Variants in ANKS1B observed in about 807,000 individuals in gnomAD.
ANKS1B encodes ankyrin repeat and sterile alpha motif domain-containing protein 1B.
Under a neutral mutation model 148.3 loss-of-function variants are expected in ANKS1B, and 36 were observed. The ratio of observed to expected loss-of-function variants is 0.24; its 90% CI spans 0.19 to 0.32. The LOEUF (loss-of-function observed/expected upper bound fraction) is 0.32, where lower values mean the gene tolerates loss of function less well. ANKS1B is among the 10% of genes least tolerant of loss of function. ANKS1B has a pLI of 1.00. For synonymous variants in ANKS1B, 542 were observed against 560.8 expected (o/e 0.97, Z 0.47); for missense variants, 1,157 against 1,542.6 (o/e 0.75, Z 4.19).
intron 15 of ANKS1B, among the ~76,000 whole-genome samples, chr12:99,126,716 G>A (rs759419221): frequency 7.2e-5 from 11 of 152,178 alleles, no homozygotes; most frequent in African/African-American, 2.7e-4. Flanking sequence ...TTATTTCCAA[G>A]AGGAGTTTTG....
chr12:99,126,219 C>T (rs997772962), intron 15 of ANKS1B, among the ~76,000 whole-genome samples: 5 of 152,056 alleles, frequency 3.3e-5, no homozygotes, highest in Non-Finnish European at 5.9e-5. Context: ...TAGGTATCTG[C>T]TTTTAGGTTA....
intron 12 of ANKS1B, among the ~76,000 whole-genome samples, chr12:99,379,564 CTT>C (rs2093551629): frequency 6.6e-6 from 1 of 152,212 alleles, no homozygotes; most frequent in Admixed American, 6.5e-5. Context: ...AGGAAGGAAA[CTT>C]TTAACTCCTC....
At chr12:99,769,444 G>A (rs1306416491) in intron 8 of ANKS1B, among the ~76,000 whole-genome samples, 1 of 152,152 alleles carries the variant, frequency 6.6e-6, no homozygotes, top group Non-Finnish European at 1.5e-5. Context: ...CCTCTCCCCA[G>A]ATCAAGCAAC....
chr12:98,772,495 C>A (rs1379849681), intron 25 of ANKS1B, among the ~76,000 whole-genome samples: 1 of 152,164 alleles, frequency 6.6e-6, no homozygotes, highest in Non-Finnish European at 1.5e-5. Context: ...GGAGGCCTCA[C>A]AATCATAGCA....
At chr12:99,820,434 G>A (rs1043015663) in intron 2 of ANKS1B, among the ~76,000 whole-genome samples, 9 of 151,882 alleles carry the variant, frequency 5.9e-5, no homozygotes, top group African/African-American at 9.7e-5. Context: ...ATATGATCCC[G>A]AAACATTACT....
At chr12:99,732,766 G>C (rs1361359928) in intron 8 of ANKS1B, among the ~76,000 whole-genome samples, 1 of 152,090 alleles carries the variant, frequency 6.6e-6, no homozygotes, top group Non-Finnish European at 1.5e-5. Flanking sequence ...AAGGTCAATA[G>C]AAGCAATGTA....
chr12:98,822,749 T>A (rs542158535), intron 19 of ANKS1B, among the ~76,000 whole-genome samples: 1 of 152,232 alleles, frequency 6.6e-6, no homozygotes, highest in African/African-American at 2.4e-5. Flanking sequence ...GGCTGACGGG[T>A]CTATCAGAAT....
chr12:98,782,999 G>A (rs945916423), intron 22 of ANKS1B, among the ~76,000 whole-genome samples: 1 of 151,160 alleles, frequency 6.6e-6, no homozygotes. Context: ...AAGAGGGAGG[G>A]CTGGGGCAGC....
chr12:99,315,188 C>T (rs1385323584), intron 12 of ANKS1B, among the ~76,000 whole-genome samples: 2 of 149,528 alleles, frequency 1.3e-5, no homozygotes, highest in Non-Finnish European at 3.0e-5. Context: ...TGCAGTGAGC[C>T]GAGATTGTGC....
intron 17 of ANKS1B, among the ~76,000 whole-genome samples, chr12:98,902,581 G>GA (rs1007858328): frequency 2.0e-5 from 3 of 152,058 alleles, no homozygotes; most frequent in Admixed American, 6.5e-5. Flanking sequence ...ATAATATACA[G>GA]AAAAAAAGTC....
At chr12:99,264,617 T>C (rs1449001040) in intron 12 of ANKS1B, among the ~76,000 whole-genome samples, 1 of 152,108 alleles carries the variant, frequency 6.6e-6, no homozygotes, top group Non-Finnish European at 1.5e-5. Context: ...AAATTTTACG[T>C]CAAAGGATGC....
chr12:99,108,262 G>A (rs911256157), intron 15 of ANKS1B, among the ~76,000 whole-genome samples: 3 of 152,322 alleles, frequency 2.0e-5, no homozygotes, highest in East Asian at 3.9e-4. Context: ...AAACCTCCAT[G>A]CAGTGATCAC....
chr12:99,151,302 C>A (rs928121681), intron 15 of ANKS1B, among the ~76,000 whole-genome samples: 2 of 151,866 alleles, frequency 1.3e-5, no homozygotes, highest in Non-Finnish European at 2.9e-5. Flanking sequence ...CCAAGGCAGG[C>A]GGATCATTTA....
At chr12:99,191,225 G>A (rs905132716) in intron 14 of ANKS1B, among the ~76,000 whole-genome samples, 1 of 152,158 alleles carries the variant, frequency 6.6e-6, no homozygotes, top group African/African-American at 2.4e-5. Context: ...CGGAGAAATA[G>A]GAATGCTTTT....
intron 1 of ANKS1B, among the ~76,000 whole-genome samples, chr12:99,828,428 G>A (rs935320696): frequency 3.3e-5 from 5 of 152,056 alleles, no homozygotes; most frequent in African/African-American, 1.2e-4. Flanking sequence ...TATGAACTCA[G>A]AGCTTCCCAT....
Position 98,807,836 on chromosome 12 carries a change from A to G in ANKS1B, c.3141+8T>C. The G allele has an allele frequency of 4.3e-6, 7 of 1,612,068 alleles. No individual in the cohort carries two copies. Among genetic ancestry groups the G allele is most frequent in the Non-Finnish European group, 5.9e-6 (7 of 1,178,804 alleles). ...TCAGGAGAAGAAAAGAACCATTTGTAACCTTACATTATGAACCTGATGGAT... is the reference window on the plus strand; with the variant it reads ...TCAGGAGAAGAAAAGAACCATTTGTGACCTTACATTATGAACCTGATGGAT... On this transcript the variant is annotated splice_region_variant and intron_variant, in intron 20 of 26. Transcript: ENST00000683438.
chr12:99,481,029 T>C (rs917676506), intron 10 of ANKS1B, among the ~76,000 whole-genome samples: 2 of 151,762 alleles, frequency 1.3e-5, no homozygotes, highest in African/African-American at 2.4e-5. Flanking sequence ...AAATGTCTTT[T>C]TTTAAAAAAA....
At chr12:99,365,287 C>T (rs1398027130) in intron 12 of ANKS1B, among the ~76,000 whole-genome samples, 1 of 152,186 alleles carries the variant, frequency 6.6e-6, no homozygotes, top group Non-Finnish European at 1.5e-5. Flanking sequence ...TAGTTGGTAG[C>T]CCAGAGCTCT....
chr12:99,301,884 C>A (rs922125082), intron 12 of ANKS1B, among the ~76,000 whole-genome samples: 1 of 152,054 alleles, frequency 6.6e-6, no homozygotes, highest in Non-Finnish European at 1.5e-5. Flanking sequence ...TGAGGTTAGT[C>A]TTTGAAAAGG....
Sources: gnomAD v4.1 joint callset for allele counts (sites outside exome capture counted in the v4.1 genomes callset) on GRCh38, gnomAD v4.1.1 for gene constraint, MANE v1.5 for transcripts, NCBI Gene and HGNC (gene_info 2026-07-23, HGNC 2026-07-21) for gene names.